The following EPM2A variants were observed in gnomAD, a reference collection of about 807,000 sequenced individuals.
EPM2A encodes the protein EPM2A glucan phosphatase, laforin.
EPM2A carries 21 observed loss-of-function variants against 26.5 expected under a neutral mutation model. The observed-to-expected ratio is 0.79, with a 90% CI of 0.56 to 1.14. The LOEUF is 1.14. EPM2A is among the 50% of genes most tolerant of loss of function. The probability of loss-of-function intolerance (pLI) is 0.00; values close to 1 mark genes in which losing one functional copy is unlikely to be tolerated. For synonymous variants in EPM2A, 217 were observed against 177.6 expected (o/e 1.22, Z -1.76); for missense variants, 458 against 440.8 (o/e 1.04, Z -0.35).
chr6:145,567,485 C>A (rs1265444315), intron 2 of EPM2A, among the ~76,000 whole-genome samples: 3 of 152,192 alleles, frequency 2.0e-5, no homozygotes, highest in Non-Finnish European at 4.4e-5. Flanking sequence ...CATGCTGCCA[C>A]AGCAGGCTAA....
intron 1 of EPM2A, among the ~76,000 whole-genome samples, chr6:145,725,106 C>T (rs1583132663): frequency 6.6e-6 from 1 of 151,788 alleles, no homozygotes. Flanking sequence ...AAAATATACA[C>T]AGAACTCTTA....
At chr6:145,498,200 G>A (rs372991912), downstream of EPM2A, among the ~76,000 whole-genome samples, 25 of 152,290 alleles carry the variant, frequency 1.6e-4, no homozygotes, top group African/African-American at 4.3e-4. Flanking sequence ...CACCCCTCCC[G>A]TCAGGAACAC....
chr6:145,717,182 C>T (rs1775677844), intron 1 of EPM2A, among the ~76,000 whole-genome samples: 1 of 152,118 alleles, frequency 6.6e-6, no homozygotes, highest in Non-Finnish European at 1.5e-5. Context: ...AATTTTAGAC[C>T]AATATCCTTG....
chr6:145,390,951 G>A (rs1028015968), intron 4 of EPM2A, among the ~76,000 whole-genome samples: 1 of 152,088 alleles, frequency 6.6e-6, no homozygotes. Flanking sequence ...CAAATTGTTT[G>A]TCTTTGCCCA....
chr6:145,574,537 G>T (rs140037395), intron 2 of EPM2A, among the ~76,000 whole-genome samples: 1 of 152,180 alleles, frequency 6.6e-6, no homozygotes, highest in African/African-American at 2.4e-5. Context: ...AGATGCAGGT[G>T]CTGCCCTCAC....
intron 4 of EPM2A, among the ~76,000 whole-genome samples, chr6:145,467,339 A>G (rs1779412208): frequency 1.3e-5 from 2 of 152,088 alleles, no homozygotes; most frequent in African/African-American, 2.4e-5. Context: ...TAAATAGCCT[A>G]TTTGTTCCCA....
At chr6:145,617,658 G>T (rs1345966967) in intron 2 of EPM2A, among the ~76,000 whole-genome samples, 1 of 152,116 alleles carries the variant, frequency 6.6e-6, no homozygotes, top group Non-Finnish European at 1.5e-5. Context: ...ATTAGATCTG[G>T]CCTGGTGCTG....
intron 2 of EPM2A, among the ~76,000 whole-genome samples, chr6:145,514,552 A>T (rs759156693): frequency 1.3e-5 from 2 of 152,184 alleles, no homozygotes; most frequent in Non-Finnish European, 2.9e-5. Flanking sequence ...TTTTAGATAG[A>T]TAAATACTAT....
At chr6:145,444,303 A>G (rs377741609) in intron 4 of EPM2A, among the ~76,000 whole-genome samples, 244 of 152,330 alleles carry the variant, frequency 1.6e-3, no homozygotes, top group African/African-American at 5.5e-3. Flanking sequence ...AGGATTTTCA[A>G]TGTAAAGGAA....
intron 4 of EPM2A, among the ~76,000 whole-genome samples, chr6:145,467,915 A>G (rs999486703): frequency 6.6e-6 from 1 of 152,036 alleles, no homozygotes; most frequent in African/African-American, 2.4e-5. Context: ...ATATGGAAAT[A>G]TTATTGTGCA....
At chr6:145,648,517 T>C (rs1193154293) in intron 2 of EPM2A, among the ~76,000 whole-genome samples, 1 of 152,226 alleles carries the variant, frequency 6.6e-6, no homozygotes, top group Non-Finnish European at 1.5e-5. Context: ...GTATTTTAAA[T>C]GTTAGCTGTT....
intron 1 of EPM2A, among the ~76,000 whole-genome samples, chr6:145,704,987 AT>A (rs1277951844): frequency 1.3e-5 from 2 of 152,360 alleles, no homozygotes; most frequent in East Asian, 3.9e-4. Flanking sequence ...ACATAATCAC[AT>A]TGAAGAAGGA....
At chr6:145,649,915 C>A (rs959731604) in intron 2 of EPM2A, among the ~76,000 whole-genome samples, 1 of 152,164 alleles carries the variant, frequency 6.6e-6, no homozygotes, top group South Asian at 2.1e-4. Context: ...CATAGCTCTA[C>A]CCCATAGTAA....
intron 2 of EPM2A, among the ~76,000 whole-genome samples, chr6:145,680,568 A>C (rs1438020081): frequency 3.9e-5 from 5 of 127,914 alleles, no homozygotes; most frequent in Admixed American, 3.2e-4. Context: ...CAGTCCCCAG[A>C]GTGTGATGTT....
chr6:145,416,389 G>T (rs1056744820), intron 4 of EPM2A, among the ~76,000 whole-genome samples: 7 of 151,838 alleles, frequency 4.6e-5, no homozygotes, highest in Non-Finnish European at 1.0e-4. Context: ...ATGAAAATTT[G>T]ACCACTATAA....
intron 4 of EPM2A, among the ~76,000 whole-genome samples, chr6:145,409,961 C>G (rs1336622721): frequency 6.6e-6 from 1 of 152,194 alleles, no homozygotes; most frequent in Non-Finnish European, 1.5e-5. Context: ...GTGACAGTTA[C>G]TATGCCTTTT....
At chr6:145,658,787 T>C (rs1351126567) in intron 2 of EPM2A, among the ~76,000 whole-genome samples, 1 of 152,206 alleles carries the variant, frequency 6.6e-6, no homozygotes, top group African/African-American at 2.4e-5. Flanking sequence ...GATTTTTAAA[T>C]AAATTAATAT....
At chr6:145,440,791 A>G (rs1779051911) in intron 4 of EPM2A, among the ~76,000 whole-genome samples, 1 of 152,242 alleles carries the variant, frequency 6.6e-6, no homozygotes, top group Admixed American at 6.5e-5. Context: ...ATTTGATGTA[A>G]CAGGTGGGCT....
At chr6:145,723,319 T>C (rs1474136956) in intron 1 of EPM2A, among the ~76,000 whole-genome samples, 1 of 152,050 alleles carries the variant, frequency 6.6e-6, no homozygotes, top group Non-Finnish European at 1.5e-5. Context: ...GTCAATCTAA[T>C]GGCACATTAT....
Sources: allele counts gnomAD v4.1 joint callset (sites outside exome capture counted in the v4.1 genomes callset), GRCh38; gene constraint gnomAD v4.1.1; transcripts MANE v1.5; gene names NCBI Gene and HGNC (gene_info 2026-07-23, HGNC 2026-07-21).